Variants in HSP90B1 observed in about 807,000 individuals in gnomAD.
The protein encoded by HSP90B1 is heat shock protein 90 beta family member 1.
Under a neutral mutation model 100.4 loss-of-function variants are expected in HSP90B1, and 27 were observed. The ratio of observed to expected loss-of-function variants is 0.27; its 90% CI spans 0.20 to 0.37. HSP90B1 has a LOEUF of 0.37. HSP90B1 is among the 10% of genes least tolerant of loss of function. HSP90B1 has a pLI of 1.00. For synonymous variants in HSP90B1, 304 were observed against 330.8 expected (o/e 0.92, Z 0.88); for missense variants, 678 against 960.5 (o/e 0.71, Z 3.89).
At chr12:103,945,306 CTTTT>C (rs1017423681) in intron 14 of HSP90B1, among the ~76,000 whole-genome samples, 3 of 152,050 alleles carry the variant, frequency 2.0e-5, no homozygotes, top group Non-Finnish European at 4.4e-5. Context: ...GACTCCGTCT[CTTTT>C]TTATTTAAAA....
intron 14 of HSP90B1, among the ~76,000 whole-genome samples, chr12:103,944,172 A>T (rs1870160853): frequency 1.3e-5 from 2 of 152,174 alleles, no homozygotes. Flanking sequence ...TAATATCTGA[A>T]TTTATTTTAC....
Position 103,943,026 on chromosome 12 carries a change from T to C in HSP90B1, c.1645-48T>C, listed in dbSNP as rs1413467273. On this transcript the variant is annotated intron_variant, in intron 12 of 17. Transcript: ENST00000299767. This position sits in a 1 kb window ranked among gnomAD's most constrained non-coding sequence, Gnocchi z 5.3. ...CATAGCAGCTGCTAGGATAAACAAA[T>C]ACACCAGGGCCAGACTTGGAAAACT... The C allele has an allele frequency of 3.7e-6, 6 of 1,600,284 alleles. No individual in the cohort carries two copies. The highest frequency in any genetic ancestry group is 5.1e-6 in the Non-Finnish European group (6 of 1,174,402).
chr12:103,944,688 C>T (rs949046282), intron 14 of HSP90B1, among the ~76,000 whole-genome samples: 6 of 152,090 alleles, frequency 3.9e-5, no homozygotes, highest in Non-Finnish European at 8.8e-5. Flanking sequence ...TCCTGAGTAG[C>T]TGGGATTACA....
In HSP90B1 at chr12:103,943,034, G is replaced by A. The variant is rs1356517992; in HGVS notation, c.1645-40G>A. The A allele has an allele frequency of 6.2e-7, 1 of 1,608,914 alleles. No homozygotes were observed. The highest frequency in any genetic ancestry group is 1.1e-5 in the South Asian group (1 of 90,216). On this transcript the variant is annotated intron_variant, in intron 12 of 17. Transcript: ENST00000299767. The surrounding 1 kb of genome is among the most constrained non-coding windows in gnomAD (Gnocchi z 5.3). ...CTGCTAGGATAAACAAATACACCAG[G>A]GCCAGACTTGGAAAACTTTGTGACT...
Position 103,938,462 on chromosome 12 carries a change from A to G in HSP90B1, c.975+3A>G. 6.2e-7 allele frequency: 1 copy of G among 1,609,442 alleles called. No individual in the cohort carries two copies. The highest frequency in any genetic ancestry group is 8.5e-7 in the Non-Finnish European group (1 of 1,178,052). ...AAAAGAAACCAAAGACTAAAAAAGT[A>G]AGTCTGGTTTATCTCCCTGCATAAG... On this transcript the variant is annotated splice_donor_region_variant and intron_variant, in intron 7 of 17. Coordinates refer to ENST00000299767, the MANE Select transcript of HSP90B1 (RefSeq NM_003299.3).
At chr12:103,941,759 G>A (rs1870086973) in intron 10 of HSP90B1, 53 bp downstream of exon 10, 3 of 1,601,544 alleles carry the variant, frequency 1.9e-6, no homozygotes, top group African/African-American at 2.7e-5. Context: ...GTCTGGCAGT[G>A]TAGAGTGTTT....
Position 103,947,411 on chromosome 12 carries a change from A to T in HSP90B1, c.2363A>T (p.Glu788Val). The T allele has an allele frequency of 7.7e-7, 1 of 1,296,076 alleles. No individual in the cohort carries two copies. The highest frequency in any genetic ancestry group is 1.1e-6 in the Non-Finnish European group (1 of 948,010). 80.3% of individuals were successfully genotyped at this position (1,296,076 alleles called of 1,614,324 possible). A position where few individuals can be genotyped will look rare whatever the true frequency, so the allele number is the denominator to read the frequency against. ...GAAGAAATGGATGTGGGAACAGATGAAGAAGAAGAAACAGCAAAGGTATGG... is the reference window on the plus strand; with the variant it reads ...GAAGAAATGGATGTGGGAACAGATGTAGAAGAAGAAACAGCAAAGGTATGG... ...EDEEMDVGTD[E>V]EEETAKESTA... The change falls in exon 17 of 18, where the codon GAA (glutamate) becomes GTA (valine). Residue 788 changes from glutamate (E) to valine (V), a missense_variant. Physicochemically the swap from Glu to Val is moderately radical, Grantham distance 121. Around this residue, in one of 8 missense-constraint regions of HSP90B1, gnomAD observed 65 missense variants for 65.1 expected, o/e 1.00. Transcript: ENST00000299767.
Position 103,931,610 on chromosome 12 carries a change from G to A in HSP90B1, c.139G>A (p.Glu47Lys). ...TAGAGAAGGATCAAGGACGGATGAT[G>A]AAGTAGTACAGAGGTTTGTGTTCAT... is the stretch of plus-strand genomic sequence containing the variant. ...KSREGSRTDD[E>K]VVQREEEAIQ... Residue 47 changes from glutamate to lysine, a missense_variant, in exon 2 of 18, where the codon GAA becomes AAA. Transcript: ENST00000299767. 3 of 1,611,270 alleles carry A rather than the reference G, an allele frequency of 1.9e-6. No individual in the cohort carries two copies. The highest frequency in any genetic ancestry group is 2.5e-6 in the Non-Finnish European group (3 of 1,177,554).
chr12:103,935,575 T>G (rs1869889620), intron 5 of HSP90B1, among the ~76,000 whole-genome samples: 2 of 152,370 alleles, frequency 1.3e-5, no homozygotes, highest in South Asian at 4.1e-4. Context: ...GCAGCAGATG[T>G]TCTTTTAATG....
In HSP90B1 at chr12:103,934,265, C is replaced by G. The variant is rs372511163; in HGVS notation, c.721C>G (p.Leu241Val). 1.9e-6 allele frequency: 3 copies of G among 1,613,552 alleles called. No individual in the cohort carries two copies. Among genetic ancestry groups the G allele is most frequent in the Non-Finnish European group, 2.5e-6 (3 of 1,179,430 alleles). ...AATTGCTGACCCAAGAGGAAACACTCTAGGACGGGGAACGACAATTACGTG... is the reference window on the plus strand; with the variant it reads ...AATTGCTGACCCAAGAGGAAACACTGTAGGACGGGGAACGACAATTACGTG... Reference protein sequence around the residue: ...SVIADPRGNTLGRGTTITLVL... With the variant: ...SVIADPRGNTVGRGTTITLVL... Residue 241 changes from leucine (L) to valine (V), a missense_variant, in exon 5 of 18, where the codon CTA becomes GTA. Transcript: ENST00000299767.
Position 103,930,645 on chromosome 12 carries a change from GA to G in HSP90B1, c.49+82del. The stretch of plus-strand genomic sequence containing the variant: ...AAGGTCCTGGGGGCGTTGAACGTGG[GA>G]GGGGGGATCCCGGGGCCTGCGGTGG... On this transcript the variant is annotated intron_variant, in intron 1 of 17. Transcript: ENST00000299767. This position sits in a 1 kb window ranked among gnomAD's most constrained non-coding sequence, Gnocchi z 4.4. The G allele has an allele frequency of 7.1e-7, 1 of 1,415,786 alleles. No homozygotes were observed. The highest frequency in any genetic ancestry group is 1.3e-5 in the South Asian group (1 of 79,202). The allele number at this position is 1,415,786 out of a possible 1,614,324, so 87.7% of individuals were successfully genotyped here. A position where few individuals can be genotyped will look rare whatever the true frequency, so the allele number is the denominator to read the frequency against.
chr12:103,940,462 C>G (rs987187206), intron 8 of HSP90B1, among the ~76,000 whole-genome samples: 1 of 152,052 alleles, frequency 6.6e-6, no homozygotes, highest in Non-Finnish European at 1.5e-5. Flanking sequence ...GTAGAATGCT[C>G]TAGTGGACTT....
chr12:103,941,335 C>G, intron 8 of HSP90B1, 75 bp from the exon 9 acceptor site: 1 of 1,435,956 alleles, frequency 7.0e-7, no homozygotes, highest in Non-Finnish European at 9.6e-7. Context: ...ATATGTACCA[C>G]ATAGTACATT....
chr12:103,946,678 C>T lies in HSP90B1; in HGVS notation c.2088C>T (p.Asp696=). ...ATCCCAGACACCCGCTGATCAGAGA[C>T]ATGCTTCGACGAATTAAGGTAGTAT... The part of the protein sequence containing the change: ...EINPRHPLIR[D]MLRRIKEDED... The change falls in exon 15 of 18, where the codon GAC becomes GAT. Residue 696 remains aspartate (D), a synonymous_variant. Transcript: ENST00000299767. 1 of 1,613,942 alleles carries T rather than the reference C, an allele frequency of 6.2e-7. No individual in the cohort carries two copies. Among genetic ancestry groups the T allele is most frequent in the Non-Finnish European group, 8.5e-7 (1 of 1,179,806 alleles).
At position 103,942,459 on chromosome 12, in the gene HSP90B1, T is replaced by C. The variant is rs1352518642; in HGVS notation, c.1375-68T>C. ...TCTTTGTGTTTTTCACACTCCTGCC[T>C]GGGTACCTTACATTCTCAAAAGTTG... On this transcript the variant is annotated intron_variant, in intron 11 of 17. Transcript: ENST00000299767. 4 of 1,451,738 alleles carry C rather than the reference T, an allele frequency of 2.8e-6. No homozygotes were observed. In the African/African-American group the frequency reaches 5.6e-5, roughly 20 times the overall value. The allele number at this position is 1,451,738 out of a possible 1,614,324, so 89.9% of individuals were successfully genotyped here.
rs368374645 is a variant in HSP90B1 at position 103,941,638 on chromosome 12, C to T, written c.1240C>T (p.Arg414Cys). 5.3e-5 allele frequency: 85 copies of T among 1,613,822 alleles called. No homozygotes were observed. Among genetic ancestry groups the T allele is most frequent in the Non-Finnish European group, 6.9e-5 (81 of 1,179,978 alleles). Residue 414 changes from arginine (R) to cysteine (C), a missense_variant, in exon 10 of 18, where the codon CGC becomes TGC. Coordinates refer to ENST00000299767, the MANE Select transcript of HSP90B1 (RefSeq NM_003299.3). The part of the protein sequence containing the change: ...KKSDYIKLYV[R>C]RVFITDDFHD... ...TTTTTGGTCTCTTTAGCTCTATGTG[C>T]GCCGTGTATTCATCACAGACGACTT...
chr12:103,942,801 G>A lies in HSP90B1; in HGVS notation c.1644+5G>A, dbSNP rs376304284. Reference sequence around the variant, plus strand: ...GCTGGGTCCAGCAGAAAAGAGGTGAGATGAACTCATAAGTGTTGTCAGCCA... The same window carrying A: ...GCTGGGTCCAGCAGAAAAGAGGTGAAATGAACTCATAAGTGTTGTCAGCCA... On this transcript the variant is annotated splice_donor_5th_base_variant and intron_variant, in intron 12 of 17. Coordinates refer to ENST00000299767, the MANE Select transcript of HSP90B1 (RefSeq NM_003299.3). 65 of 1,613,486 alleles carry A rather than the reference G, an allele frequency of 4.0e-5. 1 individual carries two copies. Among genetic ancestry groups the A allele is most frequent in the Non-Finnish European group, 5.3e-5 (62 of 1,179,672 alleles).
Position 103,938,423 on chromosome 12 carries a change from G to A in HSP90B1, c.939G>A (p.Glu313=). The A allele has an allele frequency of 1.3e-6, 2 of 1,597,366 alleles. No homozygotes were observed. Among genetic ancestry groups the A allele is most frequent in the Non-Finnish European group, 1.7e-6 (2 of 1,166,940 alleles). ...AATCTGATGATGAAGCTGCAGTAGA[G>A]GAAGAAGAAGAAGAAAAGAAACCAA... ...KEESDDEAAV[E]EEEEEKKPKT... is the part of the protein sequence containing the mutation. The change falls in exon 7 of 18, where the codon GAG becomes GAA. Residue 313 remains glutamate, a synonymous_variant. Coordinates refer to ENST00000299767, the MANE Select transcript of HSP90B1 (RefSeq NM_003299.3).
intron 12 of HSP90B1, 110 bp from the exon 13 acceptor site, chr12:103,942,961 ATTC>A (rs1190651033): frequency 6.8e-7 from 1 of 1,468,688 alleles, no homozygotes; most frequent in East Asian, 2.3e-5. Flanking sequence ...GAACCTCTTA[ATTC>A]TTCACCTGTA....
Sources: gnomAD v4.1 joint callset for allele counts (sites outside exome capture counted in the v4.1 genomes callset) on GRCh38, gnomAD v4.1.1 for gene constraint, gnomAD v4.1.1 regional missense constraint, Gnocchi (gnomAD v3.1) non-coding constraint, MANE v1.5 for transcripts, NCBI Gene and HGNC (gene_info 2026-07-23, HGNC 2026-07-21) for gene names.